The following MASP2 variants were observed in gnomAD, a reference collection of about 807,000 sequenced individuals.
MASP2 encodes the protein MBL associated serine protease 2, also known as mannan-binding lectin serine protease 2.
In MASP2, 49 loss-of-function variants were observed where a neutral mutation model predicts 57.1. That is an observed-to-expected ratio of 0.86 (90% CI 0.68 to 1.09). The LOEUF is 1.09. MASP2 is among the 50% of genes least tolerant of loss of function. MASP2 has a pLI of 0.00. For missense variants in MASP2, 900 were observed against 874.8 expected, an observed-to-expected ratio of 1.03 and a Z score of -0.36; for synonymous variants, 379 against 340.8, an observed-to-expected ratio of 1.11 and a Z score of -1.24.
intron 6 of MASP2, among the ~76,000 whole-genome samples, chr1:11,042,218 A>AGAAGGATGGGTGGATAGAAGGATG (rs1638478273): frequency 6.7e-6 from 1 of 149,012 alleles, no homozygotes; most frequent in Non-Finnish European, 1.5e-5. Flanking sequence ...ATAGAAGGAT[A>AGAAGGATGGGTGGATAGAAGGATG]TGTAGAAGGA....
chr1:11,046,388 G>T, intron 3 of MASP2, 168 bp downstream of exon 3: 1 of 718,454 alleles, frequency 1.4e-6, no homozygotes, highest in Non-Finnish European at 2.4e-6. Context: ...TGTGAATGGA[G>T]GTCACGGCTG....
intron 8 of MASP2, among the ~76,000 whole-genome samples, chr1:11,032,704 TTCAAGACCA>T (rs1557668731): frequency 4.0e-5 from 6 of 149,568 alleles, no homozygotes; most frequent in African/African-American, 1.5e-4. Flanking sequence ...AAGTCAGGAG[TTCAAGACCA>T]GCCTGGCCAA....
chr1:11,038,028 G>A (rs556703718), intron 6 of MASP2, among the ~76,000 whole-genome samples: 22 of 152,314 alleles, frequency 1.4e-4, no homozygotes, highest in African/African-American at 4.8e-4. Context: ...TGAGCAAAAG[G>A]TATGTGAGAA....
intron 6 of MASP2, among the ~76,000 whole-genome samples, chr1:11,041,780 G>T (rs1374408060): frequency 0.015 from 42 of 2,798 alleles, no homozygotes; most frequent in Non-Finnish European, 0.021. Flanking sequence ...ATGGGTGGAT[G>T]GATGGATGGA....
intron 7 of MASP2, among the ~76,000 whole-genome samples, chr1:11,035,338 G>A (rs770680399): frequency 2.6e-5 from 4 of 151,442 alleles, no homozygotes; most frequent in South Asian, 2.1e-4. Flanking sequence ...AGCCTGGCCA[G>A]CATGGTGAAA....
intron 7 of MASP2, 102 bp from the exon 8 acceptor site, chr1:11,035,008 G>A (rs1643877157): frequency 1.3e-6 from 1 of 785,608 alleles, no homozygotes; most frequent in Non-Finnish European, 2.0e-6. Context: ...GTTTTACGAG[G>A]TGCTCCTGAA....
At chr1:11,035,209 T>C (rs1643878472) in intron 7 of MASP2, among the ~76,000 whole-genome samples, 1 of 152,064 alleles carries the variant, frequency 6.6e-6, no homozygotes, top group Admixed American at 6.6e-5. Flanking sequence ...TTTTTTTTGC[T>C]TTTCACCCTA....
chr1:11,041,575 AGTGG>A (rs1360095187), intron 6 of MASP2, among the ~76,000 whole-genome samples: 13 of 123,610 alleles, frequency 1.1e-4, no homozygotes, highest in South Asian at 6.3e-4. Context: ...CAGAAGAATA[AGTGG>A]GTGGGTGGGT....
chr1:11,031,884 G>A (rs556278886), intron 8 of MASP2, among the ~76,000 whole-genome samples: 50 of 152,210 alleles, frequency 3.3e-4, no homozygotes, highest in African/African-American at 9.4e-4. Context: ...CTGCACTACC[G>A]CCTGGGTGAT....
rs148495761 is a variant in MASP2 at position 11,042,209 on chromosome 1, T to G, written c.889+666A>C. Among the ~76,000 whole-genome samples the G allele has an allele frequency of 2.8e-5, 4 of 142,224 alleles. No homozygotes were observed. The East Asian group carries it at 8.5e-4, about 30-fold the overall frequency. 93.3% of individuals were successfully genotyped at this position (142,224 alleles called of 152,430 possible). A position where few individuals can be genotyped will look rare whatever the true frequency, so the allele number is the denominator to read the frequency against. On this transcript the variant is annotated intron_variant, in intron 6 of 10. Transcript: ENST00000400897. ...GACGATGGGTGTATGGATGGATGGA[T>G]AGAAGGATATGTAGAAGGATGGGTG...
In MASP2 at chr1:11,035,252, G is replaced by A. The variant is rs542733567; in HGVS notation, c.1009-346C>T. Among the ~76,000 whole-genome samples the A allele has an allele frequency of 3.7e-4, 56 of 152,084 alleles. 1 individual carries two copies. In the South Asian group the frequency reaches 8.1e-3, roughly 22 times the overall value. On this transcript the variant is annotated intron_variant, in intron 7 of 10. Coordinates refer to ENST00000400897, the MANE Select transcript of MASP2 (RefSeq NM_006610.4). ...AACATATCAGATCTCAGCCAGGTGC[G>A]GTGGCTCATGCCTGTAATCCCGACA...
rs1012372597 is a variant in MASP2, at chr1:11,037,816, G to A, written c.890-5C>T. 17 of 1,583,466 alleles carry A rather than the reference G, an allele frequency of 1.1e-5. No homozygotes were observed. The highest frequency in any genetic ancestry group is 6.8e-5 in the East Asian group (3 of 44,356). On this transcript the variant is annotated splice_polypyrimidine_tract_variant and splice_region_variant and intron_variant, in intron 6 of 10. Transcript: ENST00000400897. ...TCGGATAAGGGCAAGGCTGCGCTGC[G>A]CAGAGGAAACCAGGCTTGTTGGTTT...
rs1430457282 is a variant in MASP2 at position 11,027,645 on chromosome 1, C to T, written c.1301G>A (p.Cys434Tyr). ...TCCTGTTGTGCGGGCTGATAGTCCA[C>T]AAACTGGAGAAAGAAGCAGATAGGT... ...EKSLPVCEPV[C>Y]GLSARTTGGR... The change falls in exon 11 of 11, where the codon TGT becomes TAT. Residue 434 changes from cysteine (C) to tyrosine (Y), a missense_variant. Cys to Tyr is a radical substitution (Grantham distance 194). Coordinates refer to ENST00000400897, the MANE Select transcript of MASP2 (RefSeq NM_006610.4). 3 of 1,594,814 alleles carry T rather than the reference C, an allele frequency of 1.9e-6. No individual in the cohort carries two copies. Among genetic ancestry groups the T allele is most frequent in the Non-Finnish European group, 2.6e-6 (3 of 1,171,170 alleles).
At position 11,045,490 on chromosome 1, in the gene MASP2, G is replaced by A; in HGVS notation, c.462C>T (p.His154=). ...AACCGCCCAGGTGGTTGTGGCAGTG[G>A]TGGTCGCAGGTGGGCGCCTCTCCCG... ...VAPGEAPTCD[H]HCHNHLGGFY... is the part of the protein sequence containing the mutation. Residue 154 remains histidine (H), a synonymous_variant, in exon 4 of 11, where the codon CAC becomes CAT. Transcript: ENST00000400897. 1 of 1,610,688 alleles carries A rather than the reference G, an allele frequency of 6.2e-7. No individual in the cohort carries two copies.
chr1:11,034,746 A>T, intron 8 of MASP2, 82 bp downstream of exon 8: 1 of 902,972 alleles, frequency 1.1e-6, no homozygotes, highest in Non-Finnish European at 1.7e-6. Flanking sequence ...ACAGAAAACC[A>T]GAGAAGCAAT....
intron 8 of MASP2, among the ~76,000 whole-genome samples, chr1:11,031,792 G>A (rs1411822213): frequency 6.6e-6 from 1 of 150,410 alleles, no homozygotes. Flanking sequence ...TTGGTGGCGT[G>A]GTCTCAGCTA....
chr1:11,026,800 G>T lies in MASP2; in HGVS notation c.*85C>A. 1 of 1,203,314 alleles carries T rather than the reference G, an allele frequency of 8.3e-7. No individual in the cohort carries two copies. Among genetic ancestry groups the T allele is most frequent in the Non-Finnish European group, 1.1e-6 (1 of 882,996 alleles). 74.5% of individuals were successfully genotyped at this position (1,203,314 alleles called of 1,614,324 possible). A position where few individuals can be genotyped will look rare whatever the true frequency, so the allele number is the denominator to read the frequency against. On this transcript the variant is annotated 3_prime_UTR_variant, in exon 11 of 11. Coordinates refer to ENST00000400897, the MANE Select transcript of MASP2 (RefSeq NM_006610.4). The stretch of plus-strand genomic sequence containing the variant: ...CAACAACTGCCATGTCCACAGTAAT[G>T]ATGAATGCTTCTCGAGCCACGTCGC...
chr1:11,031,520 C>G (rs1242744332), intron 8 of MASP2, among the ~76,000 whole-genome samples: 1 of 33,798 alleles, frequency 3.0e-5, no homozygotes, highest in Admixed American at 3.8e-4. Flanking sequence ...CAGAGCAAGA[C>G]TCTGTCTTAA....
chr1:11,039,241 C>T (rs1294466234), intron 6 of MASP2, among the ~76,000 whole-genome samples: 2 of 152,172 alleles, frequency 1.3e-5, no homozygotes, highest in African/African-American at 4.8e-5. Flanking sequence ...CCTTACTGGA[C>T]TGAGCAGAGG....
Sources: gnomAD v4.1 joint callset for allele counts (sites outside exome capture counted in the v4.1 genomes callset) on GRCh38, gnomAD v4.1.1 for gene constraint, MANE v1.5 for transcripts, NCBI Gene and HGNC (gene_info 2026-07-23, HGNC 2026-07-21) for gene names.